Variants in CCDC85C observed in about 807,000 individuals in gnomAD.
CCDC85C encodes coiled-coil domain containing 85C, also known as coiled-coil domain-containing protein 85C.
A neutral mutation model predicts 38.3 loss-of-function variants in CCDC85C; 18 were observed. That is an observed-to-expected ratio of 0.47 (90% CI 0.33 to 0.70). The LOEUF is 0.70. Ranked by LOEUF, CCDC85C falls within the 30% of genes least tolerant of loss-of-function variation. CCDC85C has a pLI of 0.03. For synonymous variants in CCDC85C, 264 were observed against 293.8 expected, an observed-to-expected ratio of 0.90 and a Z score of 1.04; for missense variants, 566 against 621.2, an observed-to-expected ratio of 0.91 and a Z score of 0.94.
chr14:99,500,876 G>T lies in CCDC85C; in HGVS notation c.*14370C>A. On this transcript the variant is annotated 3_prime_UTR_variant, in exon 6 of 6. Coordinates refer to ENST00000380243, the MANE Select transcript of CCDC85C (RefSeq NM_001144995.2). ...AATATGCAAAGCAACTCAAAGGTAA[G>T]AAGAAAGTTTTCAGAAGAATTTTTT... 5 of 1,485,788 alleles carry T rather than the reference G, an allele frequency of 3.4e-6. No homozygotes were observed. Among genetic ancestry groups the T allele is most frequent in the Non-Finnish European group, 4.5e-6 (5 of 1,099,250 alleles). 92.0% of individuals were successfully genotyped at this position (1,485,788 alleles called of 1,614,324 possible).
intron 2 of CCDC85C, among the ~76,000 whole-genome samples, chr14:99,528,695 CT>C (rs1317349044): frequency 5.3e-5 from 8 of 152,252 alleles, no homozygotes; most frequent in African/African-American, 1.9e-4. Context: ...ATCTGGCCCC[CT>C]GTTCTAGCCT....
intron 1 of CCDC85C, among the ~76,000 whole-genome samples, chr14:99,539,592 G>A (rs537384233): frequency 6.6e-6 from 1 of 152,080 alleles, no homozygotes; most frequent in African/African-American, 2.4e-5. Flanking sequence ...TTAAAATGAT[G>A]TTTAGAAAGT....
In CCDC85C at chr14:99,604,015, C is replaced by T. The variant is rs1359367058; in HGVS notation, c.-56G>A. The T allele has an allele frequency of 2.5e-5, 28 of 1,138,962 alleles. No homozygotes were observed. Among genetic ancestry groups the T allele is most frequent in the Non-Finnish European group, 3.0e-5 (28 of 930,188 alleles). 70.6% of individuals were successfully genotyped at this position (1,138,962 alleles called of 1,614,324 possible). On this transcript the variant is annotated 5_prime_UTR_variant, in exon 1 of 6. Coordinates refer to ENST00000380243, the MANE Select transcript of CCDC85C (RefSeq NM_001144995.2). ...CCCTCGCCCGGCCGGCGCTTCCCCG[C>T]GCCGGGGCTCCGCTGGGCCGGTCCG...
At chr14:99,565,063 GC>G (rs1465813487) in intron 1 of CCDC85C, among the ~76,000 whole-genome samples, 1 of 152,208 alleles carries the variant, frequency 6.6e-6, no homozygotes, top group Non-Finnish European at 1.5e-5. Context: ...CAGCCAGGCG[GC>G]TGCACTTGGC....
chr14:99,587,697 G>C (rs903293102), intron 1 of CCDC85C, among the ~76,000 whole-genome samples: 1 of 152,192 alleles, frequency 6.6e-6, no homozygotes, highest in Non-Finnish European at 1.5e-5. Context: ...CGCATCTCAG[G>C]AGGCAGGCCG....
chr14:99,550,231 G>A (rs923552665), intron 1 of CCDC85C, among the ~76,000 whole-genome samples: 17 of 152,214 alleles, frequency 1.1e-4, no homozygotes, highest in African/African-American at 3.6e-4. Flanking sequence ...AAAATTAGGA[G>A]GAGATTAGTC....
chr14:99,525,432 G>A (rs1302054635), intron 2 of CCDC85C, among the ~76,000 whole-genome samples: 1 of 152,210 alleles, frequency 6.6e-6, no homozygotes, highest in East Asian at 1.9e-4. Flanking sequence ...ACCCCAGCCT[G>A]CCCACCTGAG....
At chr14:99,574,431 G>A (rs1026127981) in intron 1 of CCDC85C, among the ~76,000 whole-genome samples, 5 of 151,858 alleles carry the variant, frequency 3.3e-5, no homozygotes, top group Non-Finnish European at 2.9e-5. Context: ...CACCCCATAC[G>A]CTCCCCTCAC....
rs1404960947 is a variant in CCDC85C, at chr14:99,514,100, TC to T, written c.*1145del. On this transcript the variant is annotated 3_prime_UTR_variant, in exon 6 of 6. Transcript: ENST00000380243. ...GCTCCACCCGGCCCGCCCTCAGCCGTCGGCTGTTGGCTCACGCCCCCTCAGT... is the reference window on the plus strand; with the variant it reads ...GCTCCACCCGGCCCGCCCTCAGCCGTGGCTGTTGGCTCACGCCCCCTCAGT... 6.6e-6 allele frequency: 1 copy of T among 152,296 alleles called. No homozygotes were observed. The highest frequency in any genetic ancestry group is 2.4e-5 in the African/African-American group (1 of 41,460). 9.4% of individuals were successfully genotyped at this position (152,296 alleles called of 1,614,324 possible).
Position 99,603,469 on chromosome 14 carries a change from G to T in CCDC85C, c.491C>A (p.Ala164Glu). ...ERAALAATGA[A>E]SGGGGGGGGA... The stretch of plus-strand genomic sequence containing the variant: ...GCCCCCGCCGCCGCCGCCACCGCTT[G>T]CGGCCCCCGTCGCCGCCAGTGCCGC... Residue 164 changes from alanine (A) to glutamate (E), a missense_variant, in exon 1 of 6, where the codon GCA becomes GAA. By Grantham distance (107) the Ala-to-Glu change is moderately radical. This residue lies in a region of CCDC85C where 269 missense variants were observed against 308.2 expected (regional missense o/e 0.87). Transcript: ENST00000380243. This position sits in a 1 kb window ranked among gnomAD's most constrained non-coding sequence, Gnocchi z 7.5. The T allele has an allele frequency of 7.8e-7, 1 of 1,285,742 alleles. No homozygotes were observed. Among genetic ancestry groups the T allele is most frequent in the South Asian group, 2.6e-5 (1 of 38,358 alleles). 79.6% of individuals were successfully genotyped at this position (1,285,742 alleles called of 1,614,324 possible). A position where few individuals can be genotyped will look rare whatever the true frequency, so the allele number is the denominator to read the frequency against.
At position 99,576,936 on chromosome 14, in the gene CCDC85C, C is replaced by A. The variant is rs1898489679; in HGVS notation, c.793+26231G>T. On this transcript the variant is annotated intron_variant, in intron 1 of 5. Transcript: ENST00000380243. The surrounding 1 kb of genome is among the most constrained non-coding windows in gnomAD (Gnocchi z 4.8). ...CTACCCACACCCACTGCTGAGCTCTCCCTCGCCCCCAGGCTGCCTGGGGGC... is the reference window on the plus strand; with the variant it reads ...CTACCCACACCCACTGCTGAGCTCTACCTCGCCCCCAGGCTGCCTGGGGGC... Among the ~76,000 whole-genome samples, 1 of 151,968 alleles carries A rather than the reference C, an allele frequency of 6.6e-6. No individual in the cohort carries two copies. The highest frequency in any genetic ancestry group is 1.5e-5 in the Non-Finnish European group (1 of 67,958).
chr14:99,597,449 TG>T (rs1166623905), intron 1 of CCDC85C, among the ~76,000 whole-genome samples: 4 of 152,286 alleles, frequency 2.6e-5, no homozygotes, highest in Non-Finnish European at 5.9e-5. Context: ...CAGAGCTGTC[TG>T]GGGTGTCCAC....
At chr14:99,531,087 G>A (rs1897483186) in intron 2 of CCDC85C, among the ~76,000 whole-genome samples, 2 of 152,194 alleles carry the variant, frequency 1.3e-5, no homozygotes, top group Admixed American at 1.3e-4. Flanking sequence ...TGTGAATTCT[G>A]GGTCTCTTTC....
In CCDC85C at chr14:99,533,506, C is replaced by T. The variant is rs1897532425; in HGVS notation, c.867+2509G>A. On this transcript the variant is annotated intron_variant, in intron 2 of 5. Coordinates refer to ENST00000380243, the MANE Select transcript of CCDC85C (RefSeq NM_001144995.2). This position sits in a 1 kb window ranked among gnomAD's most constrained non-coding sequence, Gnocchi z 4.2. ...AATTCCGCGCCCTGGTTGTATGTAACAACAAGCAGGCAACAGTGGGTTTCT... is the reference window on the plus strand; with the variant it reads ...AATTCCGCGCCCTGGTTGTATGTAATAACAAGCAGGCAACAGTGGGTTTCT... 6.6e-6 allele frequency among the ~76,000 whole-genome samples: 1 copy of T among 152,258 alleles called. No individual in the cohort carries two copies. Among genetic ancestry groups the T allele is most frequent in the Non-Finnish European group, 1.5e-5 (1 of 68,044 alleles).
chr14:99,574,580 A>C (rs1898431285), intron 1 of CCDC85C, among the ~76,000 whole-genome samples: 1 of 152,098 alleles, frequency 6.6e-6, no homozygotes, highest in Non-Finnish European at 1.5e-5. Context: ...GCCTGTGAGG[A>C]GGGGAGGCAG....
At chr14:99,552,112 C>G (rs1180695226) in intron 1 of CCDC85C, among the ~76,000 whole-genome samples, 1 of 152,176 alleles carries the variant, frequency 6.6e-6, no homozygotes, top group African/African-American at 2.4e-5. Flanking sequence ...GTGGGAGGCT[C>G]AGGAAGGAGT....
Position 99,501,270 on chromosome 14 carries a change from A to G in CCDC85C, c.*13976T>C. Reference sequence around the variant, plus strand: ...TTGCTGTGTATTTGAGTGGTGCTGAACACGTGGTAGGTTTTTAATAAATAC... The same window carrying G: ...TTGCTGTGTATTTGAGTGGTGCTGAGCACGTGGTAGGTTTTTAATAAATAC... On this transcript the variant is annotated 3_prime_UTR_variant, in exon 6 of 6. Transcript: ENST00000380243. The G allele has an allele frequency of 1.2e-6, 1 of 854,666 alleles. No homozygotes were observed. Among genetic ancestry groups the G allele is most frequent in the Non-Finnish European group, 2.0e-6 (1 of 499,042 alleles). The allele number at this position is 854,666 out of a possible 1,614,324, so 52.9% of individuals were successfully genotyped here.
intron 1 of CCDC85C, among the ~76,000 whole-genome samples, chr14:99,555,470 T>C (rs1403562010): frequency 6.6e-6 from 1 of 152,118 alleles, no homozygotes; most frequent in African/African-American, 2.4e-5. Context: ...TCAAATCCCT[T>C]CTCCTCCCTG....
At chr14:99,560,017 A>AAAG (rs1898087256) in intron 1 of CCDC85C, among the ~76,000 whole-genome samples, 1 of 150,712 alleles carries the variant, frequency 6.6e-6, no homozygotes, top group African/African-American at 2.5e-5. Flanking sequence ...TAAAAAAAAA[A>AAAG]ATCAAACCTG....
Sources: allele counts gnomAD v4.1 joint callset (sites outside exome capture counted in the v4.1 genomes callset), GRCh38; gene constraint gnomAD v4.1.1; regional missense constraint gnomAD v4.1.1; non-coding constraint Gnocchi (gnomAD v3.1); transcripts MANE v1.5; gene names NCBI Gene and HGNC (gene_info 2026-07-23, HGNC 2026-07-21).